Variants in BBS9 observed in about 807,000 individuals in gnomAD.
BBS9 encodes the protein Bardet-Biedl syndrome 9.
In BBS9, 89 loss-of-function variants were observed where a neutral mutation model predicts 117.7. The ratio of observed to expected loss-of-function variants is 0.76; its 90% CI spans 0.64 to 0.90. The LOEUF (loss-of-function observed/expected upper bound fraction) is 0.90, where lower values mean the gene tolerates loss of function less well. Among genes scored for constraint, BBS9 ranks in the 40% least tolerant of loss-of-function variants. The pLI is 0.00. For synonymous variants in BBS9, 379 were observed against 370.9 expected, an observed-to-expected ratio of 1.02 and a Z score of -0.25; for missense variants, 982 against 1,042.2, an observed-to-expected ratio of 0.94 and a Z score of 0.80.
At chr7:33,424,918 A>G (rs898204483) in intron 19 of BBS9, among the ~76,000 whole-genome samples, 1 of 152,146 alleles carries the variant, frequency 6.6e-6, no homozygotes, top group Non-Finnish European at 1.5e-5. Context: ...TGTTATGGTA[A>G]AAAAATTTAA....
At chr7:33,249,251 A>G (rs1018734783) in intron 5 of BBS9, among the ~76,000 whole-genome samples, 12 of 151,544 alleles carry the variant, frequency 7.9e-5, no homozygotes, top group Admixed American at 2.6e-4. Flanking sequence ...ACACACACAC[A>G]CGCGTACACT....
At chr7:33,275,233 A>G (rs960648738) in intron 9 of BBS9, among the ~76,000 whole-genome samples, 1 of 152,194 alleles carries the variant, frequency 6.6e-6, no homozygotes, top group Non-Finnish European at 1.5e-5. Context: ...CTTATGTTTT[A>G]TGAGAAAAAA....
At chr7:33,566,335 A>G (rs535011285) in intron 21 of BBS9, among the ~76,000 whole-genome samples, 2 of 152,022 alleles carry the variant, frequency 1.3e-5, no homozygotes, top group East Asian at 3.9e-4. Flanking sequence ...ACAATACATA[A>G]TACATGATGC....
At chr7:33,312,846 T>C (rs1254896168) in intron 9 of BBS9, among the ~76,000 whole-genome samples, 1 of 152,188 alleles carries the variant, frequency 6.6e-6, no homozygotes, top group Non-Finnish European at 1.5e-5. Flanking sequence ...ATTTCTTTTG[T>C]TCATTATTTT....
chr7:33,250,311 C>T (rs539769859), intron 5 of BBS9, among the ~76,000 whole-genome samples: 1 of 152,266 alleles, frequency 6.6e-6, no homozygotes, highest in African/African-American at 2.4e-5. Context: ...AGAAATGTAA[C>T]AGGTGCTCAG....
intron 9 of BBS9, among the ~76,000 whole-genome samples, chr7:33,306,374 C>T (rs988348748): frequency 2.0e-5 from 3 of 151,956 alleles, no homozygotes; most frequent in African/African-American, 7.2e-5. Context: ...TTTTTTCCTT[C>T]CATGTGCGAA....
At chr7:33,588,264 C>CT (rs1264256184) in intron 21 of BBS9, among the ~76,000 whole-genome samples, 1 of 152,030 alleles carries the variant, frequency 6.6e-6, no homozygotes, top group African/African-American at 2.4e-5. Flanking sequence ...TTTTGAGAAC[C>CT]TTTTTTGGTT....
intron 20 of BBS9, among the ~76,000 whole-genome samples, chr7:33,527,626 C>T (rs1460903178): frequency 6.6e-6 from 1 of 152,226 alleles, no homozygotes; most frequent in Non-Finnish European, 1.5e-5. Context: ...TGCGCACACC[C>T]ACTGACCTGC....
At chr7:33,403,425 A>G (rs1829305652) in intron 19 of BBS9, among the ~76,000 whole-genome samples, 1 of 148,230 alleles carries the variant, frequency 6.7e-6, no homozygotes. Flanking sequence ...TTAACTCGTC[A>G]TTTAGCATTA....
chr7:33,572,354 T>C (rs545047015), intron 21 of BBS9, among the ~76,000 whole-genome samples: 2 of 152,292 alleles, frequency 1.3e-5, no homozygotes, highest in African/African-American at 4.8e-5. Context: ...GATGGACACT[T>C]AAGTTGATTA....
At chr7:33,631,668 T>G (rs1231006331) in intron 21 of BBS9, among the ~76,000 whole-genome samples, 1 of 152,174 alleles carries the variant, frequency 6.6e-6, no homozygotes, top group Non-Finnish European at 1.5e-5. Flanking sequence ...AGGGGCCCCT[T>G]GCCTCAAAAA....
intron 9 of BBS9, among the ~76,000 whole-genome samples, chr7:33,320,755 A>C (rs1456266999): frequency 1.3e-5 from 2 of 151,862 alleles, no homozygotes; most frequent in Non-Finnish European, 2.9e-5. Flanking sequence ...AGCATTTGTT[A>C]TTGCGTGACT....
At chr7:33,425,897 C>G (rs1833589492) in intron 19 of BBS9, among the ~76,000 whole-genome samples, 1 of 152,080 alleles carries the variant, frequency 6.6e-6, no homozygotes, top group Non-Finnish European at 1.5e-5. Context: ...AGAGAACAAA[C>G]TAAAGTAAGC....
intron 19 of BBS9, among the ~76,000 whole-genome samples, chr7:33,405,437 A>G (rs1829748649): frequency 6.6e-6 from 1 of 151,934 alleles, no homozygotes; most frequent in African/African-American, 2.4e-5. Flanking sequence ...TCCTCCTTGT[A>G]CCTCTGGTAG....
chr7:33,223,644 T>G (rs1790691712), intron 5 of BBS9, among the ~76,000 whole-genome samples: 1 of 152,140 alleles, frequency 6.6e-6, no homozygotes, highest in Non-Finnish European at 1.5e-5. Flanking sequence ...TATGTTCTTC[T>G]AAGCACTTAC....
In BBS9 at chr7:33,301,995, T is replaced by C. The variant is rs182192082; in HGVS notation, c.1016+28039T>C. Among the ~76,000 whole-genome samples, 38 of 152,308 alleles carry C rather than the reference T, an allele frequency of 2.5e-4. 1 individual carries two copies. Among genetic ancestry groups the C allele is most frequent in the African/African-American group, 8.7e-4 (36 of 41,590 alleles). On this transcript the variant is annotated intron_variant, in intron 9 of 22. Coordinates refer to ENST00000242067, the MANE Select transcript of BBS9 (RefSeq NM_198428.3). The stretch of plus-strand genomic sequence containing the variant: ...TTATCTGAGGTCAGATTATATCTTA[T>C]TGTAGTTTTAATTTGCATTTCTCTG...
intron 6 of BBS9, among the ~76,000 whole-genome samples, chr7:33,257,977 G>A (rs1797361255): frequency 6.6e-6 from 1 of 152,144 alleles, no homozygotes; most frequent in African/African-American, 2.4e-5. Flanking sequence ...TAGGCAAATA[G>A]TTTATACTTA....
At position 33,518,592 on chromosome 7, in the gene BBS9, G is replaced by A. The variant is rs539876805; in HGVS notation, c.2298+12947G>A. Reference sequence around the variant, plus strand: ...CTTGAGTGTCAGCTACTTCAAGGTAGGATCCATATCTGATTCACCTTTTTG... The same window carrying A: ...CTTGAGTGTCAGCTACTTCAAGGTAAGATCCATATCTGATTCACCTTTTTG... On this transcript the variant is annotated intron_variant, in intron 20 of 22. Coordinates refer to ENST00000242067, the MANE Select transcript of BBS9 (RefSeq NM_198428.3). Among the ~76,000 whole-genome samples, 18 of 152,148 alleles carry A rather than the reference G, an allele frequency of 1.2e-4. No homozygotes were observed. The South Asian group carries it at 3.1e-3, about 26-fold the overall frequency.
At position 33,264,673 on chromosome 7, in the gene BBS9, T is replaced by G. The variant is rs769897823; in HGVS notation, c.702+299T>G. 2.6e-5 allele frequency among the ~76,000 whole-genome samples: 4 copies of G among 152,204 alleles called. No homozygotes were observed. In the East Asian group the frequency reaches 7.7e-4, roughly 29 times the overall value. ...AAACATTAAAAAAATCTCTCCTTAA[T>G]AGGCAAAATTTTGTAGATTATATTC... On this transcript the variant is annotated intron_variant, in intron 7 of 22. Coordinates refer to ENST00000242067, the MANE Select transcript of BBS9 (RefSeq NM_198428.3).
Sources: gnomAD v4.1 joint callset for allele counts (sites outside exome capture counted in the v4.1 genomes callset) on GRCh38, gnomAD v4.1.1 for gene constraint, MANE v1.5 for transcripts, NCBI Gene and HGNC (gene_info 2026-07-23, HGNC 2026-07-21) for gene names.